PGM5: variants seen among roughly 807,000 people sequenced by gnomAD.
PGM5 encodes phosphoglucomutase-like protein 5.
A neutral mutation model predicts 59.2 loss-of-function variants in PGM5; 23 were observed. The ratio of observed to expected loss-of-function variants is 0.39; its 90% CI spans 0.28 to 0.55. The LOEUF is 0.55. PGM5 is among the 20% of genes least tolerant of loss of function. PGM5 has a pLI of 0.66. For synonymous variants in PGM5, 214 were observed against 286.0 expected, an observed-to-expected ratio of 0.75 and a Z score of 2.54; for missense variants, 574 against 748.3, an observed-to-expected ratio of 0.77 and a Z score of 2.72.
At chr9:68,474,058 A>G (rs915775986) in intron 7 of PGM5, among the ~76,000 whole-genome samples, 2 of 152,136 alleles carry the variant, frequency 1.3e-5, no homozygotes, top group South Asian at 4.1e-4. Flanking sequence ...AGTGACTTTC[A>G]AGCCCGGCTG....
chr9:68,399,013 A>G (rs1822592807), intron 6 of PGM5: 1 of 152,184 alleles, frequency 6.6e-6, no homozygotes, highest in Non-Finnish European at 1.5e-5. Context: ...GGTATTGTGT[A>G]TATATTTTTT....
rs73445683 is a variant in PGM5, at chr9:68,491,081, A to G, written c.1479+7033A>G. The stretch of plus-strand genomic sequence containing the variant: ...TTACAACTTCATCTATTCAGTGAGT[A>G]TTTACCAAACACCTACTAGACGCCA... On this transcript the variant is annotated intron_variant, in intron 9 of 10. Coordinates refer to ENST00000396396, the MANE Select transcript of PGM5 (RefSeq NM_021965.4). Among the ~76,000 whole-genome samples the G allele has an allele frequency of 6.8e-3, 1,036 of 152,324 alleles. 9 individuals are homozygous for G. The highest frequency in any genetic ancestry group is 0.023 in the African/African-American group (976 of 41,560).
intron 6 of PGM5, 32 bp downstream of exon 6, chr9:68,392,505 T>G (rs1184695426): frequency 6.2e-7 from 1 of 1,606,378 alleles, no homozygotes; most frequent in East Asian, 2.3e-5. Context: ...AAAAACTTTA[T>G]GGTAGACCTT....
chr9:68,527,053 G>A (rs529526740), intron 10 of PGM5, among the ~76,000 whole-genome samples: 1 of 152,320 alleles, frequency 6.6e-6, no homozygotes, highest in East Asian at 1.9e-4. Flanking sequence ...ACGGACGTGA[G>A]TCAGGATGTT....
chr9:68,448,692 C>A (rs1554684160), intron 6 of PGM5, among the ~76,000 whole-genome samples: 2 of 152,162 alleles, frequency 1.3e-5, no homozygotes, highest in African/African-American at 4.8e-5. Context: ...ATTGTTCAAT[C>A]AATAGGCACC....
At chr9:68,468,019 CCCTT>C (rs781972158) in intron 7 of PGM5, among the ~76,000 whole-genome samples, 9 of 149,580 alleles carry the variant, frequency 6.0e-5, no homozygotes, top group Admixed American at 2.0e-4. Flanking sequence ...AACCCACCCT[CCCTT>C]CCTTCCTTCC....
intron 7 of PGM5, chr9:68,466,392 A>G (rs1823936039): frequency 4.4e-6 from 1 of 227,420 alleles, no homozygotes; most frequent in Non-Finnish European, 8.3e-6. Context: ...CATATTAGAC[A>G]TGGTTGTTTT....
intron 6 of PGM5, among the ~76,000 whole-genome samples, chr9:68,457,288 C>T (rs1823793549): frequency 1.3e-5 from 2 of 152,162 alleles, no homozygotes; most frequent in Admixed American, 6.5e-5. Context: ...ATTCCCCCCT[C>T]ATAGAACATG....
intron 9 of PGM5, among the ~76,000 whole-genome samples, chr9:68,492,935 T>C (rs1762089290): frequency 6.6e-6 from 1 of 152,176 alleles, no homozygotes; most frequent in Admixed American, 6.5e-5. Flanking sequence ...GATAAATCGT[T>C]GTGATTTCCT....
intron 10 of PGM5, among the ~76,000 whole-genome samples, chr9:68,520,782 T>G (rs1824890563): frequency 6.6e-6 from 1 of 152,228 alleles, no homozygotes; most frequent in African/African-American, 2.4e-5. Context: ...AGGCTATATG[T>G]GCTGACAGTA....
intron 8 of PGM5, among the ~76,000 whole-genome samples, chr9:68,480,376 A>G (rs1238015668): frequency 6.6e-6 from 1 of 152,192 alleles, no homozygotes; most frequent in Non-Finnish European, 1.5e-5. Context: ...TCATGGTTCA[A>G]GAGCCCCAGA....
intron 10 of PGM5, among the ~76,000 whole-genome samples, chr9:68,524,787 G>A (rs1262980930): frequency 6.6e-6 from 1 of 152,154 alleles, no homozygotes; most frequent in Non-Finnish European, 1.5e-5. Context: ...GTCACTCTCA[G>A]ATCTTATATG....
intron 6 of PGM5, among the ~76,000 whole-genome samples, chr9:68,425,238 G>A (rs190145934): frequency 2.0e-5 from 3 of 152,266 alleles, no homozygotes; most frequent in East Asian, 1.9e-4. Context: ...CAAGAGGAAC[G>A]CAGGAGAGGC....
At chr9:68,456,257 T>C (rs1823772935) in intron 6 of PGM5, among the ~76,000 whole-genome samples, 1 of 151,766 alleles carries the variant, frequency 6.6e-6, no homozygotes, top group African/African-American at 2.4e-5. Context: ...TTTCCCATGA[T>C]ACTTCACCAA....
At chr9:68,460,496 G>T (rs750067060) in intron 6 of PGM5, among the ~76,000 whole-genome samples, 2 of 152,090 alleles carry the variant, frequency 1.3e-5, no homozygotes, top group Non-Finnish European at 2.9e-5. Flanking sequence ...TTTAGTCACT[G>T]CCCCTCATTC....
intron 1 of PGM5, among the ~76,000 whole-genome samples, chr9:68,376,823 TTC>T (rs1240496110): frequency 9.2e-6 from 1 of 108,870 alleles, no homozygotes; most frequent in African/African-American, 3.8e-5. Context: ...CTTTCTTTCT[TTC>T]TTTCTTTCTC....
At chr9:68,455,246 G>A (rs1823755743) in intron 6 of PGM5, among the ~76,000 whole-genome samples, 1 of 152,174 alleles carries the variant, frequency 6.6e-6, no homozygotes, top group African/African-American at 2.4e-5. Context: ...ATGGACAGCT[G>A]ACACTCACAT....
At chr9:68,371,712 T>A (rs1418052167) in intron 1 of PGM5, 1 of 152,204 alleles carries the variant, frequency 6.6e-6, no homozygotes, top group Non-Finnish European at 1.5e-5. Context: ...GAGTGCTTTT[T>A]CTTTATACAA....
At chr9:68,376,779 T>TTCTC (rs1821900991) in intron 1 of PGM5, among the ~76,000 whole-genome samples, 1 of 89,356 alleles carries the variant, frequency 1.1e-5, no homozygotes, top group African/African-American at 4.6e-5. Context: ...CTTTCTTTCT[T>TTCTC]TCTTTCTTTC....
Sources: gnomAD v4.1 joint callset for allele counts (sites outside exome capture counted in the v4.1 genomes callset) on GRCh38, gnomAD v4.1.1 for gene constraint, MANE v1.5 for transcripts, NCBI Gene and HGNC (gene_info 2026-07-23, HGNC 2026-07-21) for gene names.